Variants in RAPGEF1 observed in about 807,000 individuals in gnomAD.
RAPGEF1 encodes the protein Rap guanine nucleotide exchange factor 1.
In RAPGEF1, 33 loss-of-function variants were observed where a neutral mutation model predicts 143.3. The ratio of observed to expected loss-of-function variants is 0.23; its 90% CI spans 0.17 to 0.31. RAPGEF1 has a LOEUF of 0.31. RAPGEF1 is among the 10% of genes least tolerant of loss of function. RAPGEF1 has a pLI of 1.00. For missense variants in RAPGEF1, 1,199 were observed against 1,645.4 expected (o/e 0.73, Z 4.69); for synonymous variants, 629 against 676.5 (o/e 0.93, Z 1.09).
At chr9:131,665,377 C>T (rs1830258338) in intron 1 of RAPGEF1, among the ~76,000 whole-genome samples, 1 of 152,088 alleles carries the variant, frequency 6.6e-6, no homozygotes, top group Non-Finnish European at 1.5e-5. Context: ...TGAGTTCTAC[C>T]TTAATGGTAC....
chr9:131,630,775 G>A (rs567506863), intron 5 of RAPGEF1, among the ~76,000 whole-genome samples: 1 of 152,034 alleles, frequency 6.6e-6, no homozygotes, highest in Admixed American at 6.5e-5. Context: ...GCTAGCTGGT[G>A]GGGGTGGGGT....
rs1000183828 is a variant in RAPGEF1, at chr9:131,628,848, A to T, written c.894-176T>A. Among the ~76,000 whole-genome samples, 32 of 152,202 alleles carry T rather than the reference A, an allele frequency of 2.1e-4. No homozygotes were observed. The highest frequency in any genetic ancestry group is 1.9e-3 in the Admixed American group (29 of 15,284). On this transcript the variant is annotated intron_variant, in intron 7 of 26. Coordinates refer to ENST00000683357, the MANE Select transcript of RAPGEF1 (RefSeq NM_001377935.1). This position sits in a 1 kb window ranked among gnomAD's most constrained non-coding sequence, Gnocchi z 5.7. The stretch of plus-strand genomic sequence containing the variant: ...AAATAAAACCTGTAAATACCAAATG[A>T]ACAAAAAAGAACAACCCTTTCTTTT...
At chr9:131,696,097 C>T (rs1240169588) in intron 1 of RAPGEF1, among the ~76,000 whole-genome samples, 1 of 152,178 alleles carries the variant, frequency 6.6e-6, no homozygotes, top group Non-Finnish European at 1.5e-5. Context: ...TGTGACCTCG[C>T]CTCACCACAG....
intron 18 of RAPGEF1, among the ~76,000 whole-genome samples, chr9:131,591,682 C>T (rs1588246761): frequency 6.6e-6 from 1 of 152,316 alleles, no homozygotes; most frequent in Non-Finnish European, 1.5e-5. Flanking sequence ...TCCTTCGTGC[C>T]CAACGCCCTG....
chr9:131,603,656 C>T (rs1221495122), intron 14 of RAPGEF1, among the ~76,000 whole-genome samples: 1 of 152,204 alleles, frequency 6.6e-6, no homozygotes, highest in Admixed American at 6.5e-5. Flanking sequence ...CCACAGAGAG[C>T]ACTAGATACA....
At chr9:131,700,768 G>A (rs1256930229) in intron 1 of RAPGEF1, among the ~76,000 whole-genome samples, 1 of 152,180 alleles carries the variant, frequency 6.6e-6, no homozygotes, top group Non-Finnish European at 1.5e-5. Flanking sequence ...TTGCATAGAT[G>A]GAGACCTGAA....
intron 22 of RAPGEF1, among the ~76,000 whole-genome samples, chr9:131,586,874 C>T (rs1395295603): frequency 3.3e-4 from 23 of 69,260 alleles, no homozygotes; most frequent in Admixed American, 6.4e-4. Flanking sequence ...ACCTGCAGAG[C>T]GAGACTCCGT....
intron 13 of RAPGEF1, 44 bp downstream of exon 13, chr9:131,604,886 GT>G (rs1379106030): frequency 2.4e-5 from 4 of 169,430 alleles, no homozygotes; most frequent in African/African-American, 1.2e-4. Context: ...ATGTGCAGGG[GT>G]GTGTGTGTGT....
intron 14 of RAPGEF1, among the ~76,000 whole-genome samples, chr9:131,603,360 G>T (rs2132487179): frequency 6.6e-6 from 1 of 152,336 alleles, no homozygotes; most frequent in East Asian, 1.9e-4. Context: ...AAAGTGGATT[G>T]CTCAATAGAA....
chr9:131,642,511 CCT>C (rs1287551100), intron 4 of RAPGEF1, among the ~76,000 whole-genome samples: 2 of 152,252 alleles, frequency 1.3e-5, no homozygotes, highest in African/African-American at 4.8e-5. Flanking sequence ...AAAGCAACCA[CCT>C]CTTAGTCAAA....
At chr9:131,678,781 C>G (rs1328800645) in intron 1 of RAPGEF1, among the ~76,000 whole-genome samples, 2 of 152,310 alleles carry the variant, frequency 1.3e-5, no homozygotes, top group South Asian at 2.1e-4. Flanking sequence ...AAACAACACA[C>G]CAGGAGGCCA....
intron 4 of RAPGEF1, among the ~76,000 whole-genome samples, chr9:131,642,946 G>A (rs1459206766): frequency 6.6e-6 from 1 of 152,182 alleles, no homozygotes; most frequent in Non-Finnish European, 1.5e-5. Flanking sequence ...CTCCATGTCC[G>A]GGAGGCGTCC....
Position 131,580,247 on chromosome 9 carries a change from G to C in RAPGEF1, c.3641+16C>G. The C allele has an allele frequency of 6.2e-7, 1 of 1,613,548 alleles. No homozygotes were observed. The highest frequency in any genetic ancestry group is 8.5e-7 in the Non-Finnish European group (1 of 1,179,608). On this transcript the variant is annotated intron_variant, in intron 26 of 26. Transcript: ENST00000683357. ...GGCTCAGCTCTGCCTGGTCCCCCCGGGGCAGTGGCACTCACGCCTGCTGGA... is the reference window on the plus strand; with the variant it reads ...GGCTCAGCTCTGCCTGGTCCCCCCGCGGCAGTGGCACTCACGCCTGCTGGA...
rs753856692 is a variant in RAPGEF1 at position 131,577,855 on chromosome 9, C to G, written c.*1642G>C. The stretch of plus-strand genomic sequence containing the variant: ...GCCTGCCACTGCACGGCTTTCCTCC[C>G]TCTATCTACAGGACAAACAAAACAC... On this transcript the variant is annotated 3_prime_UTR_variant, in exon 27 of 27. Transcript: ENST00000683357. The G allele has an allele frequency of 6.6e-6, 1 of 152,212 alleles. No individual in the cohort carries two copies. The highest frequency in any genetic ancestry group is 1.5e-5 in the Non-Finnish European group (1 of 68,042). The allele number at this position is 152,212 out of a possible 1,614,324, so 9.4% of individuals were successfully genotyped here. A position where few individuals can be genotyped will look rare whatever the true frequency, so the allele number is the denominator to read the frequency against.
In RAPGEF1 at chr9:131,666,943, C is replaced by T. The variant is rs958430901; in HGVS notation, c.62-15994G>A. Among the ~76,000 whole-genome samples, 12 of 152,252 alleles carry T rather than the reference C, an allele frequency of 7.9e-5. 1 individual carries two copies. The highest frequency in any genetic ancestry group is 2.4e-4 in the African/African-American group (10 of 41,548). ...TTGGCCTGGTTGGATCTGCCTGCTT[C>T]AGGGTGGAGTGCTGAGGTCTTGAAG... is the stretch of plus-strand genomic sequence containing the variant. On this transcript the variant is annotated intron_variant, in intron 1 of 26. Coordinates refer to ENST00000683357, the MANE Select transcript of RAPGEF1 (RefSeq NM_001377935.1).
intron 1 of RAPGEF1, 24 bp downstream of exon 1, chr9:131,739,746 A>C (rs903365104): frequency 2.0e-5 from 22 of 1,128,162 alleles, no homozygotes; most frequent in Non-Finnish European, 2.3e-5. Flanking sequence ...GGCCGGAGGG[A>C]GCCGCCCCAC....
At position 131,621,937 on chromosome 9, in the gene RAPGEF1, C is replaced by T. The variant is rs746526458; in HGVS notation, c.1764G>A (p.Gln588=). 2 of 1,613,832 alleles carry T rather than the reference C, an allele frequency of 1.2e-6. No homozygotes were observed. Among genetic ancestry groups the T allele is most frequent in the Middle Eastern group, 1.6e-4 (1 of 6,062 alleles). ...YSEPQPSMFY[Q]TPQNEHIYQQ... ...GGTAGATGTGCTCGTTCTGTGGCGT[C>T]TGGTAGAACATAGAGGGCTGCGGCT... The change falls in exon 11 of 27, where the codon CAG becomes CAA. Residue 588 remains glutamine (Q), a synonymous_variant. Transcript: ENST00000683357. The surrounding 1 kb of genome is among the most constrained non-coding windows in gnomAD (Gnocchi z 4.5).
rs191708697 is a variant in RAPGEF1, at chr9:131,617,073, T to A, written c.2061+1978A>T. Among the ~76,000 whole-genome samples the A allele has an allele frequency of 2.0e-5, 3 of 152,336 alleles. No individual in the cohort carries two copies. The East Asian group carries it at 5.8e-4, about 29-fold the overall frequency. The stretch of plus-strand genomic sequence containing the variant: ...AGGGATAAAAACTATGACGTACTCA[T>A]AACCAAACTTAATTAAAACGTCCTC... On this transcript the variant is annotated intron_variant, in intron 12 of 26. Coordinates refer to ENST00000683357, the MANE Select transcript of RAPGEF1 (RefSeq NM_001377935.1).
chr9:131,650,674 G>A lies in RAPGEF1; in HGVS notation c.201+136C>T. The A allele has an allele frequency of 7.6e-7, 1 of 1,315,992 alleles. No individual in the cohort carries two copies. Among genetic ancestry groups the A allele is most frequent in the Middle Eastern group, 2.8e-4 (1 of 3,574 alleles). 81.5% of individuals were successfully genotyped at this position (1,315,992 alleles called of 1,614,324 possible). A position where few individuals can be genotyped will look rare whatever the true frequency, so the allele number is the denominator to read the frequency against. On this transcript the variant is annotated intron_variant, in intron 2 of 26. Transcript: ENST00000683357. The surrounding 1 kb of genome is among the most constrained non-coding windows in gnomAD (Gnocchi z 4.7). ...GTTCTTATTTTACAAGGACACCAAAGGTCCCGCCCATGGAATGCTACGAAG... is the reference window on the plus strand; with the variant it reads ...GTTCTTATTTTACAAGGACACCAAAAGTCCCGCCCATGGAATGCTACGAAG...
Sources: gnomAD v4.1 joint callset for allele counts (sites outside exome capture counted in the v4.1 genomes callset) on GRCh38, gnomAD v4.1.1 for gene constraint, Gnocchi (gnomAD v3.1) non-coding constraint, MANE v1.5 for transcripts, NCBI Gene and HGNC (gene_info 2026-07-23, HGNC 2026-07-21) for gene names.